The following OPCML variants were observed in gnomAD, a reference collection of about 807,000 sequenced individuals.
OPCML encodes the protein opioid binding protein/cell adhesion molecule like.
In OPCML, 13 loss-of-function variants were observed where a neutral mutation model predicts 37.8. The observed-to-expected ratio is 0.34, with a 90% CI of 0.22 to 0.55. The LOEUF (loss-of-function observed/expected upper bound fraction) is 0.55. Among genes scored for constraint, OPCML ranks in the 20% least tolerant of loss-of-function variants. The pLI is 0.91. For synonymous variants in OPCML, 176 were observed against 168.8 expected (o/e 1.04, Z -0.33); for missense variants, 341 against 435.6 (o/e 0.78, Z 1.93).
chr11:132,709,725 C>T (rs778705515), intron 2 of OPCML, among the ~76,000 whole-genome samples: 5 of 152,160 alleles, frequency 3.3e-5, no homozygotes, highest in African/African-American at 4.8e-5. Flanking sequence ...AACTACAGCC[C>T]GCACTCAAAG....
chr11:133,204,876 A>ATATATATATATATATATATATATGTGTG (rs1938975310), intron 1 of OPCML, among the ~76,000 whole-genome samples: 4 of 30,026 alleles, frequency 1.3e-4, no homozygotes, highest in South Asian at 9.8e-4. Flanking sequence ...GTGTATATAT[A>ATATATATATATATATATATATATGTGTG]TATATATATA....
At chr11:132,880,364 A>C (rs1328664305) in intron 2 of OPCML, among the ~76,000 whole-genome samples, 1 of 152,202 alleles carries the variant, frequency 6.6e-6, no homozygotes, top group Non-Finnish European at 1.5e-5. Context: ...CTGGGTCACA[A>C]ACTCCACGGG....
intron 2 of OPCML, among the ~76,000 whole-genome samples, chr11:132,881,878 G>C (rs1943237430): frequency 6.6e-6 from 1 of 152,236 alleles, no homozygotes; most frequent in African/African-American, 2.4e-5. Flanking sequence ...TCCAGATCTG[G>C]GAAATGTGGT....
At chr11:132,501,595 T>C (rs965856267) in intron 4 of OPCML, among the ~76,000 whole-genome samples, 19 of 152,192 alleles carry the variant, frequency 1.2e-4, no homozygotes, top group African/African-American at 4.6e-4. Flanking sequence ...CCAAGAGGCA[T>C]GGTTGTCATG....
chr11:132,788,217 C>T (rs1426124480), intron 2 of OPCML, among the ~76,000 whole-genome samples: 1 of 152,046 alleles, frequency 6.6e-6, no homozygotes, highest in East Asian at 1.9e-4. Context: ...GCTAATATGT[C>T]CAAAACTGAA....
At chr11:132,421,370 C>T (rs2095958479) in intron 7 of OPCML, among the ~76,000 whole-genome samples, 1 of 152,182 alleles carries the variant, frequency 6.6e-6, no homozygotes, top group Non-Finnish European at 1.5e-5. Flanking sequence ...CCATCTCAAG[C>T]CAGGACTTCA....
intron 1 of OPCML, among the ~76,000 whole-genome samples, chr11:133,414,820 G>T (rs938645061): frequency 1.3e-5 from 2 of 151,976 alleles, no homozygotes; most frequent in African/African-American, 2.4e-5. Context: ...TCTCTGCACC[G>T]TCTACCCCTT....
At chr11:132,861,185 C>CTGGTTTCTA (rs1344156952) in intron 2 of OPCML, among the ~76,000 whole-genome samples, 3 of 152,160 alleles carry the variant, frequency 2.0e-5, no homozygotes, top group Non-Finnish European at 4.4e-5. Context: ...AGTTTCTAAA[C>CTGGTTTCTA]ACCAGGCTCT....
chr11:133,162,517 GCTGGCAGTGCAGGGAGAGAGGGTGTGGAT>G (rs2137221042), intron 1 of OPCML, among the ~76,000 whole-genome samples: 1 of 152,336 alleles, frequency 6.6e-6, no homozygotes, highest in South Asian at 2.1e-4. Flanking sequence ...TCATGTCAGT[GCTGGCAGTGCAGGGAGAGAGGGTGTGGAT>G]CTGGGACTGC....
At chr11:133,519,529 G>A (rs746320787) in intron 1 of OPCML, among the ~76,000 whole-genome samples, 1 of 152,044 alleles carries the variant, frequency 6.6e-6, no homozygotes, top group Non-Finnish European at 1.5e-5. Flanking sequence ...ATGAACAGTT[G>A]AAAATAAAGG....
chr11:132,916,601 AGAG>A (rs1389800209), intron 2 of OPCML, among the ~76,000 whole-genome samples: 1 of 152,242 alleles, frequency 6.6e-6, no homozygotes, highest in Non-Finnish European at 1.5e-5. Flanking sequence ...AAACTTGCAC[AGAG>A]TAGTAGTACA....
chr11:132,671,727 C>T (rs1175634400), intron 2 of OPCML, among the ~76,000 whole-genome samples: 1 of 151,886 alleles, frequency 6.6e-6, no homozygotes, highest in African/African-American at 2.4e-5. Flanking sequence ...TTAAGAAGCT[C>T]TGGCATGAAA....
intron 1 of OPCML, among the ~76,000 whole-genome samples, chr11:133,009,687 C>T (rs1947179427): frequency 6.6e-6 from 1 of 152,188 alleles, no homozygotes; most frequent in Admixed American, 6.5e-5. Flanking sequence ...GTTAGATTCT[C>T]ATAAGGAGCA....
chr11:133,452,969 T>C (rs1387534908), intron 1 of OPCML, among the ~76,000 whole-genome samples: 1 of 148,266 alleles, frequency 6.7e-6, no homozygotes, highest in Non-Finnish European at 1.5e-5. Flanking sequence ...CAGCAACTTG[T>C]CTGTAGATTA....
chr11:133,246,449 A>G (rs1940929022), intron 1 of OPCML, among the ~76,000 whole-genome samples: 1 of 152,188 alleles, frequency 6.6e-6, no homozygotes, highest in Admixed American at 6.5e-5. Flanking sequence ...AATGAACTAA[A>G]TTATGAAGCA....
intron 2 of OPCML, among the ~76,000 whole-genome samples, chr11:132,743,255 A>G (rs1442440805): frequency 1.3e-5 from 2 of 152,166 alleles, no homozygotes; most frequent in Non-Finnish European, 2.9e-5. Context: ...AACCATACAG[A>G]AAATGGTAAA....
At chr11:133,019,992 C>T (rs897590649) in intron 1 of OPCML, among the ~76,000 whole-genome samples, 6 of 152,214 alleles carry the variant, frequency 3.9e-5, no homozygotes, top group Non-Finnish European at 8.8e-5. Context: ...TGCTGCTAAT[C>T]GAAGCAGCAC....
At chr11:133,434,497 T>C (rs1391440574) in intron 1 of OPCML, among the ~76,000 whole-genome samples, 2 of 152,254 alleles carry the variant, frequency 1.3e-5, no homozygotes, top group Admixed American at 1.3e-4. Flanking sequence ...TCATCATGGA[T>C]ATTATATTTT....
At position 133,098,018 on chromosome 11, in the gene OPCML, T is replaced by C. The variant is rs77299131; in HGVS notation, c.62-155008A>G. On this transcript the variant is annotated intron_variant, in intron 1 of 7. Coordinates refer to ENST00000524381, the MANE Select transcript of OPCML (RefSeq NM_001012393.5). The stretch of plus-strand genomic sequence containing the variant: ...AATAACTCTTAATACTTCATCATTC[T>C]ATGAGGCCAGCATTACCCTAATACC... Among the ~76,000 whole-genome samples the C allele has an allele frequency of 1.2e-3, 188 of 152,296 alleles. 6 individuals carry two copies. In the East Asian group the frequency reaches 0.034, roughly 27 times the overall value.
Sources: allele counts gnomAD v4.1 joint callset (sites outside exome capture counted in the v4.1 genomes callset), GRCh38; gene constraint gnomAD v4.1.1; transcripts MANE v1.5; gene names NCBI Gene and HGNC (gene_info 2026-07-23, HGNC 2026-07-21).